The following LPP variants were observed in gnomAD, a reference collection of about 807,000 sequenced individuals.
The protein encoded by LPP is LIM domain containing preferred translocation partner in lipoma.
In LPP, 38 loss-of-function variants were observed where a neutral mutation model predicts 60.4. The observed-to-expected ratio is 0.63, with a 90% CI of 0.49 to 0.83. LPP has a LOEUF of 0.83. Among genes scored for constraint, LPP ranks in the 40% least tolerant of loss-of-function variants. LPP has a pLI of 0.00. For synonymous variants in LPP, 328 were observed against 290.8 expected (o/e 1.13, Z -1.30); for missense variants, 902 against 783.6 (o/e 1.15, Z -1.80).
chr3:188,550,577 C>CAAAAAAAAAAAA (rs67052080), intron 6 of LPP, among the ~76,000 whole-genome samples: 79 of 66,898 alleles, frequency 1.2e-3, no homozygotes, highest in African/African-American at 4.9e-3. Flanking sequence ...GACTCCATCT[C>CAAAAAAAAAAAA]AAAAAAAAAA....
At chr3:188,864,314 G>T (rs1766038986) in intron 9 of LPP, among the ~76,000 whole-genome samples, 1 of 152,190 alleles carries the variant, frequency 6.6e-6, no homozygotes, top group South Asian at 2.1e-4. Flanking sequence ...GCACTGTGCT[G>T]CCAGAGTGGG....
At chr3:188,789,627 T>A (rs1213651503) in intron 9 of LPP, among the ~76,000 whole-genome samples, 1 of 139,870 alleles carries the variant, frequency 7.1e-6, no homozygotes, top group Admixed American at 7.8e-5. Context: ...TCTCATTTAA[T>A]CCTCACAAAG....
intron 2 of LPP, among the ~76,000 whole-genome samples, chr3:188,323,486 A>C (rs1284313897): frequency 6.6e-6 from 1 of 152,216 alleles, no homozygotes; most frequent in Non-Finnish European, 1.5e-5. Context: ...TTTTCTGGGA[A>C]GAAAACTTTG....
At chr3:188,181,612 CT>C (rs1206748197) in intron 1 of LPP, among the ~76,000 whole-genome samples, 22 of 152,300 alleles carry the variant, frequency 1.4e-4, no homozygotes, top group African/African-American at 5.1e-4. Context: ...CGCTAGTAAG[CT>C]GTATAAATAT....
At chr3:188,412,958 T>C (rs760526255) in intron 4 of LPP, among the ~76,000 whole-genome samples, 1 of 152,138 alleles carries the variant, frequency 6.6e-6, no homozygotes, top group African/African-American at 2.4e-5. Flanking sequence ...AACCCAGGTT[T>C]CCTAAATGCA....
chr3:188,628,374 C>A (rs1430158983), intron 7 of LPP, among the ~76,000 whole-genome samples: 1 of 151,330 alleles, frequency 6.6e-6, no homozygotes, highest in Non-Finnish European at 1.5e-5. Flanking sequence ...AAAGAACAAA[C>A]AAAGAGAACC....
chr3:188,363,087 A>C (rs1026810163), intron 3 of LPP, among the ~76,000 whole-genome samples: 3 of 151,830 alleles, frequency 2.0e-5, no homozygotes, highest in Non-Finnish European at 4.4e-5. Context: ...CTGTGTGATT[A>C]GCAGGGCATG....
chr3:188,394,547 C>G (rs1780437229), intron 3 of LPP, among the ~76,000 whole-genome samples: 1 of 69,924 alleles, frequency 1.4e-5, no homozygotes, highest in Admixed American at 1.7e-4. Flanking sequence ...TTAAAAATAT[C>G]TAAAGTGTGT....
At chr3:188,211,839 T>C (rs2149209667) in intron 1 of LPP, among the ~76,000 whole-genome samples, 1 of 152,002 alleles carries the variant, frequency 6.6e-6, no homozygotes, top group Admixed American at 6.6e-5. Context: ...TTCTTTTTTT[T>C]TTTTTGAGAA....
chr3:188,817,692 T>G (rs956085118), intron 9 of LPP, among the ~76,000 whole-genome samples: 2 of 152,158 alleles, frequency 1.3e-5, no homozygotes, highest in African/African-American at 4.8e-5. Context: ...GAGACCTGTT[T>G]GACTTTGAAA....
chr3:188,246,813 C>G (rs929811114), intron 2 of LPP, among the ~76,000 whole-genome samples: 6 of 152,144 alleles, frequency 3.9e-5, no homozygotes, highest in Non-Finnish European at 8.8e-5. Flanking sequence ...CTTAGTCACA[C>G]AAAATATCTT....
chr3:188,280,385 T>C (rs6444278), intron 2 of LPP, among the ~76,000 whole-genome samples: 110,462 of 152,092 alleles, frequency 0.73, 41,296 homozygotes, highest in African/African-American at 0.9. Flanking sequence ...GAGAGCAATT[T>C]GCTTTCCTTA....
intron 4 of LPP, among the ~76,000 whole-genome samples, chr3:188,425,158 G>T (rs1788948947): frequency 6.6e-6 from 1 of 152,068 alleles, no homozygotes; most frequent in Admixed American, 6.6e-5. Context: ...GCATGAGGTG[G>T]TGTTGAATTT....
At chr3:188,370,041 C>T (rs191475726) in intron 3 of LPP, among the ~76,000 whole-genome samples, 1 of 152,256 alleles carries the variant, frequency 6.6e-6, no homozygotes, top group East Asian at 1.9e-4. Flanking sequence ...CAGTTCTCTG[C>T]CTCAGCCTCC....
At chr3:188,789,731 T>C (rs1743091638) in intron 9 of LPP, among the ~76,000 whole-genome samples, 2 of 152,194 alleles carry the variant, frequency 1.3e-5, no homozygotes, top group Admixed American at 6.5e-5. Flanking sequence ...TCTCATGAAA[T>C]TGGTTTTAAA....
chr3:188,649,962 T>C (rs1473198990), intron 7 of LPP, among the ~76,000 whole-genome samples: 1 of 152,224 alleles, frequency 6.6e-6, no homozygotes, highest in Non-Finnish European at 1.5e-5. Context: ...TCTATGTCTC[T>C]ATTATTATTT....
chr3:188,769,058 T>A (rs1304610056), intron 9 of LPP, among the ~76,000 whole-genome samples: 1 of 152,056 alleles, frequency 6.6e-6, no homozygotes, highest in East Asian at 1.9e-4. Context: ...CAATTTTAGG[T>A]TTAGAATATA....
chr3:188,870,697 G>A (rs1767879309), intron 10 of LPP, among the ~76,000 whole-genome samples: 2 of 152,228 alleles, frequency 1.3e-5, no homozygotes, highest in Admixed American at 1.3e-4. Flanking sequence ...TGTCCACTCA[G>A]TGAGCTAAGC....
chr3:188,779,390 T>C (rs1313293905), intron 9 of LPP, among the ~76,000 whole-genome samples: 1 of 152,064 alleles, frequency 6.6e-6, no homozygotes, highest in Admixed American at 6.5e-5. Flanking sequence ...GACACACAGA[T>C]CTGAGGATGG....
Sources: gnomAD v4.1 joint callset for allele counts (sites outside exome capture counted in the v4.1 genomes callset) on GRCh38, gnomAD v4.1.1 for gene constraint, MANE v1.5 for transcripts, NCBI Gene and HGNC (gene_info 2026-07-23, HGNC 2026-07-21) for gene names.